Variants in RBM18 observed in about 807,000 individuals in gnomAD.
RBM18 encodes RNA binding motif protein 18.
RBM18 carries 18 observed loss-of-function variants against 26.4 expected under a neutral mutation model. That is an observed-to-expected ratio of 0.68 (90% confidence interval 0.47 to 1.01). RBM18 has a LOEUF of 1.01. Ranked by LOEUF, RBM18 falls within the 50% of genes least tolerant of loss-of-function variation. The pLI is 0.00. For missense variants in RBM18, 180 were observed against 219.2 expected, an observed-to-expected ratio of 0.82 and a Z score of 1.13; for synonymous variants, 74 against 81.1, an observed-to-expected ratio of 0.91 and a Z score of 0.47.
chr9:122,255,802 C>G (rs1378368463), intron 2 of RBM18, among the ~76,000 whole-genome samples: 1 of 152,148 alleles, frequency 6.6e-6, no homozygotes, highest in African/African-American at 2.4e-5. Context: ...ACTAACACAT[C>G]ATTGTCTAGC....
chr9:122,239,611 T>C lies in RBM18; in HGVS notation c.*2273A>G, dbSNP rs1831378874. 6.6e-6 allele frequency: 1 copy of C among 152,002 alleles called. No individual in the cohort carries two copies. The highest frequency in any genetic ancestry group is 2.4e-5 in the African/African-American group (1 of 41,366). 9.4% of individuals were successfully genotyped at this position (152,002 alleles called of 1,614,324 possible). A position where few individuals can be genotyped will look rare whatever the true frequency, so the allele number is the denominator to read the frequency against. ...GTACAGACAACCTCCTAACAAAGAGTTGACCAAGTTAACACCTGAAATTTA... is the reference window on the plus strand; with the variant it reads ...GTACAGACAACCTCCTAACAAAGAGCTGACCAAGTTAACACCTGAAATTTA... On this transcript the variant is annotated 3_prime_UTR_variant, in exon 6 of 6. Coordinates refer to ENST00000417201, the MANE Select transcript of RBM18 (RefSeq NM_033117.4).
chr9:122,248,434 G>A (rs1201298174), intron 3 of RBM18, among the ~76,000 whole-genome samples: 1 of 152,076 alleles, frequency 6.6e-6, no homozygotes, highest in African/African-American at 2.4e-5. Flanking sequence ...CCTGGACTAG[G>A]GCATACTCCC....
intron 5 of RBM18, among the ~76,000 whole-genome samples, chr9:122,244,126 T>C (rs1482834837): frequency 1.4e-5 from 2 of 141,004 alleles, no homozygotes; most frequent in Non-Finnish European, 1.5e-5. Flanking sequence ...GTCCCTTAAT[T>C]CCCTAGAGCA....
intron 4 of RBM18, among the ~76,000 whole-genome samples, chr9:122,246,589 A>C (rs564099698): frequency 1.1e-4 from 17 of 152,368 alleles, no homozygotes; most frequent in African/African-American, 3.6e-4. Context: ...GAAATTGAGA[A>C]GGCTCTGTGA....
At chr9:122,242,681 A>G (rs1274660750) in intron 5 of RBM18, among the ~76,000 whole-genome samples, 3 of 151,060 alleles carry the variant, frequency 2.0e-5, no homozygotes, top group Non-Finnish European at 4.4e-5. Flanking sequence ...TTTTTTAGAC[A>G]GGGTCTTGTT....
At chr9:122,250,068 T>A (rs374223492) in intron 3 of RBM18, among the ~76,000 whole-genome samples, 1 of 107,168 alleles carries the variant, frequency 9.3e-6, no homozygotes, top group Admixed American at 1.2e-4. Flanking sequence ...AGACCTTATT[T>A]AAAAAAAAAA....
Position 122,240,286 on chromosome 9 carries a change from T to A in RBM18, c.*1598A>T, listed in dbSNP as rs1270432292. On this transcript the variant is annotated 3_prime_UTR_variant, in exon 6 of 6. Coordinates refer to ENST00000417201, the MANE Select transcript of RBM18 (RefSeq NM_033117.4). ...ATAATGCTCCTACCTCTCTGAACTATCCCCCAAATAGGAGGAGAGTTACTT... is the reference window on the plus strand; with the variant it reads ...ATAATGCTCCTACCTCTCTGAACTAACCCCCAAATAGGAGGAGAGTTACTT... 2 of 152,088 alleles carry A rather than the reference T, an allele frequency of 1.3e-5. No individual in the cohort carries two copies. The highest frequency in any genetic ancestry group is 3.9e-4 in the East Asian group (2 of 5,190). 9.4% of individuals were successfully genotyped at this position (152,088 alleles called of 1,614,324 possible). A position where few individuals can be genotyped will look rare whatever the true frequency, so the allele number is the denominator to read the frequency against.
At chr9:122,255,328 G>A (rs1831673908) in intron 2 of RBM18, among the ~76,000 whole-genome samples, 1 of 152,144 alleles carries the variant, frequency 6.6e-6, no homozygotes, top group South Asian at 2.1e-4. Context: ...GAGACATAAG[G>A]TATGGACTGA....
intron 2 of RBM18, among the ~76,000 whole-genome samples, chr9:122,252,789 G>A (rs918585512): frequency 6.6e-6 from 1 of 152,234 alleles, no homozygotes; most frequent in African/African-American, 2.4e-5. Context: ...CTGGCAGGAT[G>A]TTCACTCCAA....
intron 5 of RBM18, 95 bp from the exon 6 acceptor site, chr9:122,242,138 G>A: frequency 8.6e-7 from 1 of 1,159,748 alleles, no homozygotes; most frequent in East Asian, 2.5e-5. Flanking sequence ...GAATATTAGA[G>A]ACGCAACAAG....
chr9:122,263,410 C>T (rs1019576661), intron 1 of RBM18, among the ~76,000 whole-genome samples: 3 of 152,210 alleles, frequency 2.0e-5, no homozygotes, highest in Non-Finnish European at 4.4e-5. Flanking sequence ...AGGGGAGACA[C>T]ATTTTTGTCT....
intron 2 of RBM18, among the ~76,000 whole-genome samples, chr9:122,256,062 CAACAAA>C: frequency 6.6e-6 from 1 of 151,916 alleles, no homozygotes; most frequent in South Asian, 2.1e-4. Context: ...ACAACAACAA[CAACAAA>C]AACCAAACCC....
chr9:122,240,863 T>C lies in RBM18; in HGVS notation c.*1021A>G, dbSNP rs1434864900. The C allele has an allele frequency of 6.6e-6, 1 of 152,208 alleles. No homozygotes were observed. The highest frequency in any genetic ancestry group is 1.5e-5 in the Non-Finnish European group (1 of 68,042). 9.4% of individuals were successfully genotyped at this position (152,208 alleles called of 1,614,324 possible). A position where few individuals can be genotyped will look rare whatever the true frequency, so the allele number is the denominator to read the frequency against. ...GGTGCCACAGTGGCATCTGTTCCATTGACTTTCTGTGCCCACTGCATGTCC... is the reference window on the plus strand; with the variant it reads ...GGTGCCACAGTGGCATCTGTTCCATCGACTTTCTGTGCCCACTGCATGTCC... On this transcript the variant is annotated 3_prime_UTR_variant, in exon 6 of 6. Transcript: ENST00000417201.
intron 2 of RBM18, among the ~76,000 whole-genome samples, chr9:122,257,988 C>G (rs760209724): frequency 2.0e-5 from 3 of 152,134 alleles, no homozygotes; most frequent in Non-Finnish European, 4.4e-5. Flanking sequence ...GAGATTGCAC[C>G]ACAAGACAGG....
chr9:122,242,959 C>T lies in RBM18; in HGVS notation c.414-916G>A, dbSNP rs1043013352. On this transcript the variant is annotated intron_variant, in intron 5 of 5. Coordinates refer to ENST00000417201, the MANE Select transcript of RBM18 (RefSeq NM_033117.4). ...CTCTTGCCTCAGCCTCCCAAGTAGCCGGGATTACAGGTAGCAAGCGCCACC... is the reference window on the plus strand; with the variant it reads ...CTCTTGCCTCAGCCTCCCAAGTAGCTGGGATTACAGGTAGCAAGCGCCACC... Among the ~76,000 whole-genome samples the T allele has an allele frequency of 4.6e-5, 7 of 151,988 alleles. 1 individual carries two copies. The highest frequency in any genetic ancestry group is 1.0e-4 in the Non-Finnish European group (7 of 67,962).
At chr9:122,247,210 T>C (rs756086134) in intron 4 of RBM18, among the ~76,000 whole-genome samples, 1 of 152,032 alleles carries the variant, frequency 6.6e-6, no homozygotes, top group Non-Finnish European at 1.5e-5. Flanking sequence ...AAAATAAATA[T>C]ATATTTTCCT....
At chr9:122,245,445 C>T in intron 4 of RBM18, 104 bp from the exon 5 acceptor site, 1 of 640,556 alleles carries the variant, frequency 1.6e-6, no homozygotes, top group South Asian at 2.0e-5. Context: ...CATCAGCTTA[C>T]TTCTAGACAA....
Position 122,261,424 on chromosome 9 carries a change from T to A in RBM18, c.69A>T (p.Glu23Asp). 1 of 1,614,188 alleles carries A rather than the reference T, an allele frequency of 6.2e-7. No homozygotes were observed. ...GGTTGCCAATCCATAATCGGTGTCC[T>A]TCCTGCAGAGAGCCCTCTGAAAGGA... ...ASILSEGSLQ[E>D]GHRLWIGNLD... is the part of the protein sequence containing the mutation. Residue 23 changes from glutamate (E) to aspartate (D), a missense_variant, in exon 2 of 6, where the codon GAA (glutamate) becomes GAT (aspartate). Around this residue, in one of 3 missense-constraint regions of RBM18, gnomAD observed 49 missense variants for 56.6 expected, o/e 0.87. Coordinates refer to ENST00000417201, the MANE Select transcript of RBM18 (RefSeq NM_033117.4).
chr9:122,256,523 T>C (rs1399973667), intron 2 of RBM18, among the ~76,000 whole-genome samples: 1 of 152,166 alleles, frequency 6.6e-6, no homozygotes, highest in Non-Finnish European at 1.5e-5. Context: ...GGTCATTAAG[T>C]TTTTCAGCTT....
Sources: gnomAD v4.1 joint callset for allele counts (sites outside exome capture counted in the v4.1 genomes callset) on GRCh38, gnomAD v4.1.1 for gene constraint, gnomAD v4.1.1 regional missense constraint, MANE v1.5 for transcripts, NCBI Gene and HGNC (gene_info 2026-07-23, HGNC 2026-07-21) for gene names.